The following TENM3 variants were observed in gnomAD, a reference collection of about 807,000 sequenced individuals.
TENM3 encodes the protein teneurin transmembrane protein 3.
In TENM3, 63 loss-of-function variants were observed where a neutral mutation model predicts 255.1. That is an observed-to-expected ratio of 0.25 (90% CI 0.20 to 0.30). The LOEUF (loss-of-function observed/expected upper bound fraction) is 0.30, where lower values mean the gene tolerates loss of function less well. TENM3 is among the 10% of genes least tolerant of loss of function. TENM3 has a pLI of 1.00. For missense variants in TENM3, 2,929 were observed against 3,461.1 expected, an observed-to-expected ratio of 0.85 and a Z score of 3.86; for synonymous variants, 1,306 against 1,322.3, an observed-to-expected ratio of 0.99 and a Z score of 0.27.
chr4:182,658,834 G>C (rs1043002345), intron 6 of TENM3, among the ~76,000 whole-genome samples: 4 of 152,318 alleles, frequency 2.6e-5, no homozygotes, highest in African/African-American at 7.2e-5. Flanking sequence ...AATGCCATCT[G>C]TTGACCTGAG....
At chr4:181,518,258 G>C in the TENM3 span, among the ~76,000 whole-genome samples, 1 of 151,566 alleles carries the variant, frequency 6.6e-6, no homozygotes, top group South Asian at 2.1e-4. Flanking sequence ...ATTTGGACTG[G>C]GTATTCCTCA....
the TENM3 span, among the ~76,000 whole-genome samples, chr4:181,553,499 G>T: frequency 0.62 from 94,350 of 151,484 alleles, 29,676 homozygotes; most frequent in Middle Eastern, 0.72. Flanking sequence ...TGGAGTGCAG[G>T]GGCGCGATCT....
chr4:182,506,518 A>T (rs1736835735), intron 3 of TENM3, among the ~76,000 whole-genome samples: 4 of 152,194 alleles, frequency 2.6e-5, no homozygotes, highest in African/African-American at 9.7e-5. Context: ...TTATTATTTA[A>T]TAAAATTTGT....
chr4:182,342,478 G>A (rs2150631812), intron 2 of TENM3, among the ~76,000 whole-genome samples: 1 of 152,192 alleles, frequency 6.6e-6, no homozygotes, highest in East Asian at 1.9e-4. Context: ...GGGGTGAGGG[G>A]AAAATAGAAG....
the TENM3 span, among the ~76,000 whole-genome samples, chr4:181,529,726 C>T: frequency 1.3e-5 from 2 of 152,312 alleles, no homozygotes; most frequent in Non-Finnish European, 2.9e-5. Flanking sequence ...GCCACTTTAG[C>T]CTCCCTTGTG....
chr4:182,172,746 T>A (rs1280558020), intron 1 of TENM3, among the ~76,000 whole-genome samples: 2 of 152,124 alleles, frequency 1.3e-5, no homozygotes, highest in Admixed American at 1.3e-4. Context: ...ATGTTAAAAA[T>A]AATGAGAAAC....
intron 3 of TENM3, among the ~76,000 whole-genome samples, chr4:182,442,802 GTGTA>G (rs1158075515): frequency 1.3e-5 from 2 of 150,668 alleles, no homozygotes; most frequent in Non-Finnish European, 3.0e-5. Context: ...GTGTGTGTGT[GTGTA>G]TATACACATA....
chr4:182,752,469 CT>C (rs1283330523), intron 20 of TENM3, among the ~76,000 whole-genome samples: 1 of 152,138 alleles, frequency 6.6e-6, no homozygotes, highest in East Asian at 1.9e-4. Context: ...AGCTGTGAAA[CT>C]TTTGTTTCTA....
intron 1 of TENM3, among the ~76,000 whole-genome samples, chr4:182,235,076 A>G (rs961560638): frequency 3.3e-5 from 5 of 151,528 alleles, no homozygotes; most frequent in Non-Finnish European, 7.4e-5. Context: ...CAAAAAAACC[A>G]CTCCTCAGTA....
intron 3 of TENM3, among the ~76,000 whole-genome samples, chr4:182,367,319 T>C (rs6811231): frequency 0.97 from 148,311 of 152,184 alleles, 72,324 homozygotes; most frequent in Middle Eastern, 1. Context: ...GAAGTTAACA[T>C]TGACGGTAAA....
At chr4:182,572,133 C>T (rs926018836) in intron 3 of TENM3, among the ~76,000 whole-genome samples, 1 of 152,130 alleles carries the variant, frequency 6.6e-6, no homozygotes, top group Non-Finnish European at 1.5e-5. Flanking sequence ...AACTCCTGAC[C>T]TCAGGTGATC....
At chr4:182,070,339 C>G in the TENM3 span, among the ~76,000 whole-genome samples, 2 of 152,228 alleles carry the variant, frequency 1.3e-5, no homozygotes, top group African/African-American at 4.8e-5. Flanking sequence ...CACATATAGG[C>G]TGGGTGCAGT....
At chr4:182,226,331 A>G (rs781183200) in intron 1 of TENM3, among the ~76,000 whole-genome samples, 1 of 152,192 alleles carries the variant, frequency 6.6e-6, no homozygotes, top group Non-Finnish European at 1.5e-5. Context: ...ACAGGAGTCC[A>G]AGGGCAAGTG....
chr4:181,538,953 G>A, the TENM3 span, among the ~76,000 whole-genome samples: 3 of 152,102 alleles, frequency 2.0e-5, no homozygotes, highest in African/African-American at 7.2e-5. Context: ...TAATTCTGTT[G>A]GGGAAAAAGT....
chr4:181,618,128 G>A, the TENM3 span, among the ~76,000 whole-genome samples: 1 of 152,222 alleles, frequency 6.6e-6, no homozygotes, highest in Admixed American at 6.5e-5. Context: ...CTTCCCCTGA[G>A]TATAGCAGGC....
the TENM3 span, among the ~76,000 whole-genome samples, chr4:182,064,636 G>A: frequency 6.6e-6 from 1 of 152,044 alleles, no homozygotes; most frequent in Non-Finnish European, 1.5e-5. Flanking sequence ...CATTCAAAAT[G>A]GTTAAATCAA....
At chr4:182,112,599 C>T in the TENM3 span, among the ~76,000 whole-genome samples, 1 of 152,134 alleles carries the variant, frequency 6.6e-6, no homozygotes, top group African/African-American at 2.4e-5. Flanking sequence ...TTTTATTTTA[C>T]TCTACTTAAT....
the TENM3 span, among the ~76,000 whole-genome samples, chr4:181,855,162 G>A: frequency 6.6e-6 from 1 of 152,296 alleles, no homozygotes; most frequent in South Asian, 2.1e-4. Context: ...AGTGGAAGTA[G>A]GTTGAAGTAA....
chr4:181,719,199 C>T, the TENM3 span, among the ~76,000 whole-genome samples: 20 of 141,664 alleles, frequency 1.4e-4, no homozygotes, highest in East Asian at 3.5e-3. Context: ...GGCGACAGAG[C>T]GAGACTCCGT....
Sources: allele counts gnomAD v4.1 joint callset (sites outside exome capture counted in the v4.1 genomes callset), GRCh38; gene constraint gnomAD v4.1.1; transcripts MANE v1.5; gene names NCBI Gene and HGNC (gene_info 2026-07-23, HGNC 2026-07-21).